The following CYFIP2 variants were observed in gnomAD, a reference collection of about 807,000 sequenced individuals.
CYFIP2 encodes cytoplasmic FMR1 interacting protein 2, also known as cytoplasmic FMR1-interacting protein 2.
CYFIP2 carries 29 observed loss-of-function variants against 158.7 expected under a neutral mutation model. The observed-to-expected ratio is 0.18, with a 90% CI of 0.14 to 0.25. CYFIP2 has a LOEUF of 0.25. CYFIP2 is among the 10% of genes least tolerant of loss of function. CYFIP2 has a pLI of 1.00. For synonymous variants in CYFIP2, 585 were observed against 617.6 expected (o/e 0.95, Z 0.78); for missense variants, 852 against 1,639.5 (o/e 0.52, Z 8.29).
chr5:157,368,304 A>G (rs771916194), intron 26 of CYFIP2, among the ~76,000 whole-genome samples: 1 of 152,196 alleles, frequency 6.6e-6, no homozygotes, highest in African/African-American at 2.4e-5. Context: ...AGACTCATAC[A>G]TAGCAAATGT....
intron 26 of CYFIP2, chr5:157,364,338 G>C (rs995532741): frequency 2.6e-5 from 4 of 151,992 alleles, no homozygotes; most frequent in African/African-American, 7.3e-5. Context: ...CTATTGATGG[G>C]GGCCGCAAGG....
At chr5:157,330,500 G>C (rs1561734395) in intron 19 of CYFIP2, among the ~76,000 whole-genome samples, 1 of 152,164 alleles carries the variant, frequency 6.6e-6, no homozygotes, top group African/African-American at 2.4e-5. Flanking sequence ...ATGAATAAAA[G>C]AGGAAAGTGG....
intron 20 of CYFIP2, 89 bp from the exon 21 acceptor site, chr5:157,333,237 GT>G: frequency 6.4e-7 from 1 of 1,555,264 alleles, no homozygotes. Context: ...TCCCACCTTG[GT>G]CCCCCAAAGT....
chr5:157,328,376 G>C (rs1486476266), intron 19 of CYFIP2, among the ~76,000 whole-genome samples: 1 of 152,232 alleles, frequency 6.6e-6, no homozygotes, highest in African/African-American at 2.4e-5. Flanking sequence ...AACTAGAAAG[G>C]CCATCTTGCG....
rs1767587489 is a variant in CYFIP2 at position 157,394,416 on chromosome 5, G to C, written c.*1416G>C. On this transcript the variant is annotated 3_prime_UTR_variant, in exon 31 of 31. Coordinates refer to ENST00000620254, the MANE Select transcript of CYFIP2 (RefSeq NM_001037333.3). ...TAGCAATGGTTGCCTTAATCAAATG[G>C]TCCCATTTTTAACCCCAAAGGAAGT... The C allele has an allele frequency of 6.6e-6, 1 of 152,152 alleles. No individual in the cohort carries two copies. Among genetic ancestry groups the C allele is most frequent in the Admixed American group, 6.5e-5 (1 of 15,282 alleles). 9.4% of individuals were successfully genotyped at this position (152,152 alleles called of 1,614,324 possible).
intron 23 of CYFIP2, among the ~76,000 whole-genome samples, chr5:157,352,942 G>T (rs1294121722): frequency 6.6e-6 from 1 of 152,196 alleles, no homozygotes; most frequent in Admixed American, 6.5e-5. Context: ...GATTGGAGTG[G>T]TGCAGCTGCA....
intron 19 of CYFIP2, among the ~76,000 whole-genome samples, 178 bp downstream of exon 19, chr5:157,328,227 C>T (rs1401042881): frequency 6.6e-6 from 1 of 152,206 alleles, no homozygotes; most frequent in Non-Finnish European, 1.5e-5. Flanking sequence ...AAAGGGCTAA[C>T]CTCACACAGC....
Position 157,341,142 on chromosome 5 carries a change from C to T in CYFIP2, c.2658C>T (p.Tyr886=). ...AACCTGCCAACGTCCAGCCTTATTA[C>T]CTCTATGGATCCAAGGTAAGTAGTC... The part of the protein sequence containing the change: ...RDKPANVQPY[Y]LYGSKPLNIA... The change falls in exon 23 of 31, where the codon TAC becomes TAT. Residue 886 remains tyrosine (Y), a synonymous_variant. Coordinates refer to ENST00000620254, the MANE Select transcript of CYFIP2 (RefSeq NM_001037333.3). The T allele has an allele frequency of 6.2e-7, 1 of 1,613,986 alleles. No individual in the cohort carries two copies. Among genetic ancestry groups the T allele is most frequent in the Non-Finnish European group, 8.5e-7 (1 of 1,179,872 alleles).
In CYFIP2 at chr5:157,360,110, G is replaced by A. The variant is rs557275384; in HGVS notation, c.2818-172G>A. On this transcript the variant is annotated intron_variant, in intron 24 of 30. Transcript: ENST00000620254. ...GAAGTCTGTAAGCCCAAGACAACGA[G>A]AGAGCTCCTTTTTCAGTCTTATAAA... Among the ~76,000 whole-genome samples the A allele has an allele frequency of 2.0e-5, 3 of 152,350 alleles. No individual in the cohort carries two copies. In the South Asian group the frequency reaches 6.2e-4, roughly 32 times the overall value.
At position 157,351,883 on chromosome 5, in the gene CYFIP2, G is replaced by A. The variant is rs534676404; in HGVS notation, c.2674-7122G>A. On this transcript the variant is annotated intron_variant, in intron 23 of 30. Coordinates refer to ENST00000620254, the MANE Select transcript of CYFIP2 (RefSeq NM_001037333.3). ...ACATCTAACCACCTGATGTGGTAGC[G>A]TCAGGGAAGACATCAACTCATTTGG... is the stretch of plus-strand genomic sequence containing the variant. Among the ~76,000 whole-genome samples, 86 of 152,266 alleles carry A rather than the reference G, an allele frequency of 5.6e-4. 2 individuals are homozygous for A. In the South Asian group the frequency reaches 0.016, roughly 28 times the overall value.
At chr5:157,278,610 G>C (rs1329125865) in intron 1 of CYFIP2, among the ~76,000 whole-genome samples, 1 of 152,222 alleles carries the variant, frequency 6.6e-6, no homozygotes, top group African/African-American at 2.4e-5. Context: ...TGAATTTGCA[G>C]GATAGTTGTG....
At chr5:157,353,361 C>G (rs1763199881) in intron 23 of CYFIP2, among the ~76,000 whole-genome samples, 1 of 152,152 alleles carries the variant, frequency 6.6e-6, no homozygotes, top group Admixed American at 6.5e-5. Context: ...CCCTGCTTGC[C>G]TTTTCCAACG....
At chr5:157,382,711 A>G (rs1561786975) in intron 27 of CYFIP2, 49 bp downstream of exon 27, 1 of 1,569,378 alleles carries the variant, frequency 6.4e-7, no homozygotes, top group Admixed American at 1.7e-5. Flanking sequence ...TTTGAACCTT[A>G]TTCTCACTTC....
chr5:157,333,640 G>A (rs1035283992), intron 21 of CYFIP2, among the ~76,000 whole-genome samples, 194 bp downstream of exon 21: 1 of 152,156 alleles, frequency 6.6e-6, no homozygotes. Context: ...CCTTGGGAAC[G>A]ATAGCATGGA....
chr5:157,300,405 C>A (rs1268188613), intron 5 of CYFIP2, among the ~76,000 whole-genome samples: 1 of 151,566 alleles, frequency 6.6e-6, no homozygotes, highest in Non-Finnish European at 1.5e-5. Context: ...CATGGTGGCA[C>A]ACACCTGTAA....
chr5:157,288,060 T>C (rs950901250), intron 3 of CYFIP2, among the ~76,000 whole-genome samples: 1 of 151,830 alleles, frequency 6.6e-6, no homozygotes, highest in African/African-American at 2.4e-5. Context: ...ATCACTGCAT[T>C]CCAGCCTGGG....
At chr5:157,292,815 C>G (rs201701807) in intron 3 of CYFIP2, among the ~76,000 whole-genome samples, 1 of 151,830 alleles carries the variant, frequency 6.6e-6, no homozygotes. Context: ...TGTTGTGACA[C>G]TGCCAGATTA....
chr5:157,389,251 C>T lies in CYFIP2; in HGVS notation c.3270C>T (p.Ser1090=). The part of the protein sequence containing the change: ...LTKERLCCGL[S]MFEVILTRIR... The stretch of plus-strand genomic sequence containing the variant: ...AGGAGCGGCTGTGCTGTGGCCTGTC[C>T]ATGTTCGAGGTCATCCTGACCCGCA... Residue 1090 remains serine, a synonymous_variant, in exon 29 of 31, where the codon TCC becomes TCT. Coordinates refer to ENST00000620254, the MANE Select transcript of CYFIP2 (RefSeq NM_001037333.3). 1.2e-6 allele frequency: 2 copies of T among 1,614,048 alleles called. No homozygotes were observed. The highest frequency in any genetic ancestry group is 1.1e-5 in the South Asian group (1 of 91,082).
intron 28 of CYFIP2, among the ~76,000 whole-genome samples, chr5:157,388,374 G>T (rs902247726): frequency 2.0e-5 from 3 of 152,160 alleles, no homozygotes; most frequent in African/African-American, 4.8e-5. Flanking sequence ...TGTCAAAGAA[G>T]CACTTCTAGA....
Sources: gnomAD v4.1 joint callset for allele counts (sites outside exome capture counted in the v4.1 genomes callset) on GRCh38, gnomAD v4.1.1 for gene constraint, MANE v1.5 for transcripts, NCBI Gene and HGNC (gene_info 2026-07-23, HGNC 2026-07-21) for gene names.